The following DOCK5 variants were observed in gnomAD, a reference collection of about 807,000 sequenced individuals.
DOCK5 encodes dedicator of cytokinesis 5, also known as dedicator of cytokinesis protein 5.
DOCK5 carries 142 observed loss-of-function variants against 251.8 expected under a neutral mutation model. The observed-to-expected ratio is 0.56, with a 90% CI of 0.49 to 0.65. The LOEUF (loss-of-function observed/expected upper bound fraction) is 0.65, where lower values mean the gene tolerates loss of function less well. Ranked by LOEUF, DOCK5 falls within the 30% of genes least tolerant of loss-of-function variation. The probability of loss-of-function intolerance (pLI) is 0.00; values close to 1 mark genes in which losing one functional copy is unlikely to be tolerated. For synonymous variants in DOCK5, 842 were observed against 835.5 expected (o/e 1.01, Z -0.13); for missense variants, 2,111 against 2,312.3 (o/e 0.91, Z 1.79).
At chr8:25,373,366 A>G (rs1446040381) in intron 35 of DOCK5, among the ~76,000 whole-genome samples, 2 of 152,074 alleles carry the variant, frequency 1.3e-5, no homozygotes, top group African/African-American at 4.8e-5. Flanking sequence ...ACTGTACCCA[A>G]AATGTAGTCT....
rs1173799722 is a variant in DOCK5, at chr8:25,411,231, C to A, written c.5546C>A (p.Ala1849Glu). The A allele has an allele frequency of 6.3e-7, 1 of 1,592,370 alleles. No individual in the cohort carries two copies. The highest frequency in any genetic ancestry group is 2.4e-5 in the East Asian group (1 of 41,828). Residue 1849 changes from alanine to glutamate, a missense_variant, in exon 52 of 52, where the codon GCA becomes GAA. Physicochemically the swap from Ala to Glu is moderately radical, Grantham distance 107 (BLOSUM62 -1). Transcript: ENST00000276440. Reference protein sequence around the residue: ...PPLPVRREAKAPPPPPPKARK... With the variant: ...PPLPVRREAKEPPPPPPKARK... The stretch of plus-strand genomic sequence containing the variant: ...CTGCCTGTCCGAAGAGAAGCCAAAG[C>A]ACCACCCCCTCCACCTCCAAAGGCT...
intron 10 of DOCK5, among the ~76,000 whole-genome samples, chr8:25,303,760 A>G (rs1804827611): frequency 6.6e-6 from 1 of 152,104 alleles, no homozygotes; most frequent in African/African-American, 2.4e-5. Context: ...TCAGGAGTTC[A>G]AGACCAGCCT....
intron 5 of DOCK5, among the ~76,000 whole-genome samples, chr8:25,284,341 C>T (rs1804277839): frequency 1.3e-5 from 2 of 152,312 alleles, no homozygotes; most frequent in South Asian, 4.1e-4. Flanking sequence ...CTAGAAAGAG[C>T]TGATTGATAA....
At chr8:25,331,352 C>T (rs1232182028) in intron 18 of DOCK5, among the ~76,000 whole-genome samples, 1 of 152,044 alleles carries the variant, frequency 6.6e-6, no homozygotes, top group African/African-American at 2.4e-5. Context: ...AAGTAATCCT[C>T]CTGTCTTGGC....
chr8:25,273,991 T>C (rs1006528995), intron 3 of DOCK5, among the ~76,000 whole-genome samples: 1 of 152,166 alleles, frequency 6.6e-6, no homozygotes, highest in South Asian at 2.1e-4. Context: ...TACTTTTTAT[T>C]TGGGGCTTTG....
At chr8:25,357,395 T>C (rs1197754682) in intron 27 of DOCK5, among the ~76,000 whole-genome samples, 2 of 118,600 alleles carry the variant, frequency 1.7e-5, no homozygotes, top group Non-Finnish European at 3.6e-5. Context: ...TTTTTTTTTT[T>C]TGAGACAGGC....
intron 21 of DOCK5, 30 bp downstream of exon 21, chr8:25,334,226 G>T: frequency 6.4e-7 from 1 of 1,559,452 alleles, no homozygotes; most frequent in Non-Finnish European, 8.8e-7. Context: ...ACTACATGTT[G>T]TTGGATCTTT....
chr8:25,372,448 G>C (rs1800889280), intron 34 of DOCK5, 111 bp from the exon 35 acceptor site: 2 of 1,107,546 alleles, frequency 1.8e-6, no homozygotes, highest in African/African-American at 1.6e-5. Flanking sequence ...TTGACGTTCT[G>C]TGTCATCAAA....
intron 1 of DOCK5, among the ~76,000 whole-genome samples, chr8:25,213,771 G>C (rs1490121297): frequency 6.6e-6 from 1 of 152,234 alleles, no homozygotes; most frequent in Non-Finnish European, 1.5e-5. Flanking sequence ...CTTTGGTGGA[G>C]CCTGACAGTT....
intron 20 of DOCK5, 109 bp downstream of exon 20, chr8:25,332,801 T>A: frequency 1.2e-6 from 1 of 809,410 alleles, no homozygotes; most frequent in Non-Finnish European, 1.9e-6. Flanking sequence ...AATATTTGTT[T>A]ACATCTCTCT....
At chr8:25,370,950 T>G (rs990247790) in intron 34 of DOCK5, among the ~76,000 whole-genome samples, 2 of 152,000 alleles carry the variant, frequency 1.3e-5, no homozygotes, top group African/African-American at 4.8e-5. Context: ...TGGCCTAGTA[T>G]TATTATTATT....
At chr8:25,258,380 T>C (rs1803476920) in intron 2 of DOCK5, among the ~76,000 whole-genome samples, 1 of 152,138 alleles carries the variant, frequency 6.6e-6, no homozygotes. Flanking sequence ...TATTGTAATG[T>C]TTTTGTGGAA....
rs189935454 is a variant in DOCK5, at chr8:25,407,605, C to T, written c.5094-378C>T. Among the ~76,000 whole-genome samples, 313 of 152,134 alleles carry T rather than the reference C, an allele frequency of 2.1e-3. 2 individuals carry two copies. The highest frequency in any genetic ancestry group is 7.3e-3 in the African/African-American group (301 of 41,508). Reference sequence around the variant, plus strand: ...AGGTTGAGGAGGCCGGGCATGGTGGCTCACGCCTCTAGCCTTAGCACTTTG... The same window carrying T: ...AGGTTGAGGAGGCCGGGCATGGTGGTTCACGCCTCTAGCCTTAGCACTTTG... On this transcript the variant is annotated intron_variant, in intron 48 of 51. Transcript: ENST00000276440.
intron 47 of DOCK5, among the ~76,000 whole-genome samples, chr8:25,401,817 T>C (rs557297530): frequency 1.3e-5 from 2 of 152,186 alleles, no homozygotes; most frequent in African/African-American, 4.8e-5. Context: ...CTGGCCAAAT[T>C]CTTACATTTT....
intron 40 of DOCK5, 55 bp downstream of exon 40, chr8:25,382,833 T>A: frequency 3.5e-6 from 5 of 1,438,686 alleles, no homozygotes; most frequent in Non-Finnish European, 4.8e-6. Flanking sequence ...AGAGACTCAT[T>A]TCTTTTCCAG....
intron 45 of DOCK5, among the ~76,000 whole-genome samples, chr8:25,399,483 A>G (rs1801400929): frequency 6.6e-6 from 1 of 152,164 alleles, no homozygotes. Context: ...GACGAGCAGA[A>G]AAACTGTCAC....
At chr8:25,268,230 G>A (rs1586280339) in intron 2 of DOCK5, among the ~76,000 whole-genome samples, 2 of 152,216 alleles carry the variant, frequency 1.3e-5, no homozygotes, top group South Asian at 2.1e-4. Flanking sequence ...ATCTTTTTAT[G>A]GGGGTGGCGG....
At chr8:25,186,376 G>A (rs1014873986) in intron 1 of DOCK5, among the ~76,000 whole-genome samples, 9 of 86,984 alleles carry the variant, frequency 1.0e-4, no homozygotes, top group Admixed American at 3.7e-4. Context: ...TGGTTTGTTT[G>A]TTTTTGAGAC....
At chr8:25,197,983 G>A (rs12544849) in intron 1 of DOCK5, among the ~76,000 whole-genome samples, 94,488 of 151,532 alleles carry the variant, frequency 0.62, 32,033 homozygotes, top group Non-Finnish European at 0.76. Context: ...ATCTCCTGAC[G>A]TCGTGATCCG....
Sources: allele counts gnomAD v4.1 joint callset (sites outside exome capture counted in the v4.1 genomes callset), GRCh38; gene constraint gnomAD v4.1.1; transcripts MANE v1.5; gene names NCBI Gene and HGNC (gene_info 2026-07-23, HGNC 2026-07-21).